CAMTA1: variants seen among roughly 807,000 people sequenced by gnomAD.
The protein encoded by CAMTA1 is calmodulin-binding transcription activator 1.
CAMTA1 carries 27 observed loss-of-function variants against 170.9 expected under a neutral mutation model. The observed-to-expected ratio is 0.16, with a 90% CI of 0.12 to 0.22. CAMTA1 has a LOEUF of 0.22. CAMTA1 is among the 10% of genes least tolerant of loss of function. The pLI is 1.00. For missense variants in CAMTA1, 1,619 were observed against 2,217.2 expected (o/e 0.73, Z 5.42); for synonymous variants, 833 against 891.5 (o/e 0.93, Z 1.17).
chr1:7,760,954 T>C (rs1255631391), intron 22 of CAMTA1, among the ~76,000 whole-genome samples: 2 of 152,240 alleles, frequency 1.3e-5, no homozygotes, highest in Non-Finnish European at 2.9e-5. Flanking sequence ...CATTGTTTGC[T>C]ACAAGTTTCT....
At chr1:6,786,157 T>G (rs1639252685) in intron 1 of CAMTA1, among the ~76,000 whole-genome samples, 1 of 151,246 alleles carries the variant, frequency 6.6e-6, no homozygotes, top group Non-Finnish European at 1.5e-5. Context: ...GACACCTCCC[T>G]GAGCGGGCGG....
Position 7,456,206 on chromosome 1 carries a change from G to A in CAMTA1, c.439-11624G>A, listed in dbSNP as rs1575427214. ...GGAGGGAGGAAAAATGGGAGGGAGG[G>A]AGGAAGAATGGGAGAGAGGGAGGGA... is the stretch of plus-strand genomic sequence containing the variant. On this transcript the variant is annotated intron_variant, in intron 5 of 22. Coordinates refer to ENST00000303635, the MANE Select transcript of CAMTA1 (RefSeq NM_015215.4). This position sits in a 1 kb window ranked among gnomAD's most constrained non-coding sequence, Gnocchi z 4.9. Among the ~76,000 whole-genome samples, 1 of 146,630 alleles carries A rather than the reference G, an allele frequency of 6.8e-6. No homozygotes were observed. The highest frequency in any genetic ancestry group is 2.1e-4 in the East Asian group (1 of 4,674).
chr1:7,165,595 C>T (rs991849843), intron 4 of CAMTA1, among the ~76,000 whole-genome samples: 6 of 152,094 alleles, frequency 3.9e-5, no homozygotes, highest in Admixed American at 3.9e-4. Context: ...CCATGCCTGA[C>T]TAATTTTAGT....
At position 7,641,332 on chromosome 1, in the gene CAMTA1, G is replaced by A. The variant is rs967948576; in HGVS notation, c.664+779G>A. Among the ~76,000 whole-genome samples, 4 of 152,216 alleles carry A rather than the reference G, an allele frequency of 2.6e-5. No homozygotes were observed. Among genetic ancestry groups the A allele is most frequent in the Non-Finnish European group, 5.9e-5 (4 of 68,046 alleles). ...GGGGTTCAGGGACATTGATGGCCAG[G>A]GCTCAGGGCAAGGACCTGCCATCAG... On this transcript the variant is annotated intron_variant, in intron 7 of 22. Coordinates refer to ENST00000303635, the MANE Select transcript of CAMTA1 (RefSeq NM_015215.4). This position sits in a 1 kb window ranked among gnomAD's most constrained non-coding sequence, Gnocchi z 4.5.
At chr1:7,247,909 G>A (rs987982695) in intron 4 of CAMTA1, among the ~76,000 whole-genome samples, 1 of 152,212 alleles carries the variant, frequency 6.6e-6, no homozygotes, top group African/African-American at 2.4e-5. Context: ...GCGGGTGACA[G>A]CATTGTGACA....
chr1:7,579,129 G>C (rs960710902), intron 6 of CAMTA1, among the ~76,000 whole-genome samples: 2 of 152,266 alleles, frequency 1.3e-5, no homozygotes, highest in South Asian at 4.1e-4. Flanking sequence ...GGCAGTGGCT[G>C]AGGCCACATG....
chr1:7,111,168 CT>C (rs1327535336), intron 4 of CAMTA1, among the ~76,000 whole-genome samples: 1 of 152,204 alleles, frequency 6.6e-6, no homozygotes, highest in East Asian at 1.9e-4. Flanking sequence ...TTCTAATGAC[CT>C]TGTGATTACA....
intron 11 of CAMTA1, among the ~76,000 whole-genome samples, chr1:7,703,862 T>C (rs2096469959): frequency 6.6e-6 from 1 of 152,088 alleles, no homozygotes; most frequent in East Asian, 1.9e-4. Flanking sequence ...TCGGGATTTG[T>C]GGCCGGGGCG....
intron 4 of CAMTA1, among the ~76,000 whole-genome samples, chr1:7,103,671 ACACACATG>A (rs1195803230): frequency 6.7e-6 from 1 of 149,208 alleles, no homozygotes; most frequent in African/African-American, 2.5e-5. Flanking sequence ...ACACGCAACT[ACACACATG>A]CACACAACAG....
intron 3 of CAMTA1, among the ~76,000 whole-genome samples, chr1:6,917,140 A>C (rs1892261): frequency 0.49 from 74,551 of 151,832 alleles, 19,297 homozygotes; most frequent in Non-Finnish European, 0.58. Flanking sequence ...CCAGGGAGAG[A>C]GTGGCATGTT....
chr1:7,079,559 C>T (rs1173770330), intron 3 of CAMTA1, among the ~76,000 whole-genome samples: 2 of 152,160 alleles, frequency 1.3e-5, no homozygotes, highest in Admixed American at 6.5e-5. Flanking sequence ...GCAACCTCCA[C>T]CTCCCAGGTT....
chr1:7,373,647 TG>T (rs1224974112), intron 5 of CAMTA1, among the ~76,000 whole-genome samples: 1 of 152,196 alleles, frequency 6.6e-6, no homozygotes, highest in Non-Finnish European at 1.5e-5. Flanking sequence ...TTTTGCCTTG[TG>T]GGGAAACTTA....
chr1:6,798,385 A>G (rs1184824056), intron 1 of CAMTA1, among the ~76,000 whole-genome samples: 1 of 152,118 alleles, frequency 6.6e-6, no homozygotes, highest in Non-Finnish European at 1.5e-5. Context: ...ATGGGCTATT[A>G]TTATTAGGTT....
chr1:7,247,900 C>T (rs528559831), intron 4 of CAMTA1, among the ~76,000 whole-genome samples: 145 of 152,228 alleles, frequency 9.5e-4, no homozygotes, highest in African/African-American at 3.4e-3. Context: ...CAGATACCAG[C>T]GGGTGACAGC....
intron 7 of CAMTA1, among the ~76,000 whole-genome samples, chr1:7,647,359 C>CAA (rs1340174095): frequency 6.6e-6 from 1 of 151,882 alleles, no homozygotes; most frequent in Non-Finnish European, 1.5e-5. Context: ...GAAGGAAAAT[C>CAA]AACAAAGCCT....
intron 3 of CAMTA1, among the ~76,000 whole-genome samples, chr1:7,053,729 C>A (rs950640752): frequency 6.6e-5 from 10 of 152,216 alleles, no homozygotes; most frequent in Admixed American, 5.2e-4. Context: ...CCCCAGGTAT[C>A]TGCCTGGCTC....
In CAMTA1 at chr1:7,547,072, G is replaced by T. The variant is rs575756598; in HGVS notation, c.510+79171G>T. 6.6e-6 allele frequency among the ~76,000 whole-genome samples: 1 copy of T among 152,176 alleles called. No homozygotes were observed. Among genetic ancestry groups the T allele is most frequent in the Admixed American group, 6.5e-5 (1 of 15,304 alleles). Reference sequence around the variant, plus strand: ...TCTATTACCATTGTTATTTATTTCAGTGTTCATGTTGTCTCAGATTTGGTT... The same window carrying T: ...TCTATTACCATTGTTATTTATTTCATTGTTCATGTTGTCTCAGATTTGGTT... On this transcript the variant is annotated intron_variant, in intron 6 of 22. Transcript: ENST00000303635. The surrounding 1 kb of genome is among the most constrained non-coding windows in gnomAD (Gnocchi z 5.7).
chr1:7,300,237 A>G lies in CAMTA1; in HGVS notation c.438+50611A>G, dbSNP rs143989031. On this transcript the variant is annotated intron_variant, in intron 5 of 22. Coordinates refer to ENST00000303635, the MANE Select transcript of CAMTA1 (RefSeq NM_015215.4). This position sits in a 1 kb window ranked among gnomAD's most constrained non-coding sequence, Gnocchi z 4.1. The stretch of plus-strand genomic sequence containing the variant: ...AGAAAACATGATTTTCCTTCCTCCA[A>G]GGGTCTCCCCTAGACCCTGGCACAG... Among the ~76,000 whole-genome samples, 813 of 152,256 alleles carry G rather than the reference A, an allele frequency of 5.3e-3. 5 individuals carry two copies. Among genetic ancestry groups the G allele is most frequent in the African/African-American group, 0.018 (762 of 41,548 alleles).
At chr1:7,338,312 C>A (rs770896596) in intron 5 of CAMTA1, among the ~76,000 whole-genome samples, 5 of 152,098 alleles carry the variant, frequency 3.3e-5, no homozygotes, top group Admixed American at 6.5e-5. Context: ...TAGAGTCATG[C>A]CAGGTAACAA....
Sources: gnomAD v4.1 joint callset for allele counts (sites outside exome capture counted in the v4.1 genomes callset) on GRCh38, gnomAD v4.1.1 for gene constraint, Gnocchi (gnomAD v3.1) non-coding constraint, MANE v1.5 for transcripts, NCBI Gene and HGNC (gene_info 2026-07-23, HGNC 2026-07-21) for gene names.